Variants in MYH15 observed in about 807,000 individuals in gnomAD.
The protein encoded by MYH15 is myosin-15.
Under a neutral mutation model 240.5 loss-of-function variants are expected in MYH15, and 227 were observed. The observed-to-expected ratio is 0.94, with a 90% confidence interval of 0.85 to 1.05. The LOEUF is 1.05. MYH15 is among the 50% of genes least tolerant of loss of function. The probability of loss-of-function intolerance (pLI) is 0.00; values close to 1 mark genes in which losing one functional copy is unlikely to be tolerated. For missense variants in MYH15, 2,217 were observed against 2,247.5 expected, an observed-to-expected ratio of 0.99 and a Z score of 0.27; for synonymous variants, 785 against 796.7, an observed-to-expected ratio of 0.99 and a Z score of 0.25.
At chr3:108,441,853 A>G (rs1448028227) in intron 22 of MYH15, among the ~76,000 whole-genome samples, 2 of 152,208 alleles carry the variant, frequency 1.3e-5, no homozygotes, top group Non-Finnish European at 2.9e-5. Context: ...TTTTGCCTCA[A>G]TGATTCTGCC....
intron 11 of MYH15, among the ~76,000 whole-genome samples, chr3:108,482,739 T>C (rs551816618): frequency 6.6e-6 from 1 of 152,334 alleles, no homozygotes; most frequent in East Asian, 1.9e-4. Context: ...ATTCCTTATT[T>C]TTTTAACTCT....
intron 1 of MYH15, among the ~76,000 whole-genome samples, chr3:108,520,449 C>G (rs937184475): frequency 1.3e-5 from 2 of 152,132 alleles, no homozygotes; most frequent in Non-Finnish European, 2.9e-5. Context: ...ACTTTATACA[C>G]TCTTGTCAAG....
At position 108,470,034 on chromosome 3, in the gene MYH15, T is replaced by C; in HGVS notation, c.1554+8A>G. 1 of 1,589,812 alleles carries C rather than the reference T, an allele frequency of 6.3e-7. No individual in the cohort carries two copies. The highest frequency in any genetic ancestry group is 8.5e-7 in the Non-Finnish European group (1 of 1,172,378). On this transcript the variant is annotated splice_region_variant and intron_variant, in intron 14 of 40. Transcript: ENST00000693548. ...ATGAAAATGGACAAAGAGAAAAACA[T>C]ATATTACCTTCTCAATGAGATCTAT...
chr3:108,452,689 T>C (rs1039516756), intron 21 of MYH15, among the ~76,000 whole-genome samples: 1 of 152,112 alleles, frequency 6.6e-6, no homozygotes, highest in Non-Finnish European at 1.5e-5. Context: ...ATATAACATA[T>C]ATAAAACATG....
intron 27 of MYH15, among the ~76,000 whole-genome samples, chr3:108,423,185 A>C (rs567517343): frequency 6.6e-6 from 1 of 152,284 alleles, no homozygotes; most frequent in South Asian, 2.1e-4. Context: ...CCAGGCTTCA[A>C]CCCAATGCAA....
At chr3:108,383,782 GTTTT>G in intron 39 of MYH15, 53 bp from the exon 40 acceptor site, 2 of 1,169,692 alleles carry the variant, frequency 1.7e-6, no homozygotes, top group Non-Finnish European at 2.3e-6. Context: ...ATAGTCAGGT[GTTTT>G]TTTTTTCTGC....
At chr3:108,421,759 G>A (rs528998480) in intron 27 of MYH15, among the ~76,000 whole-genome samples, 1 of 152,282 alleles carries the variant, frequency 6.6e-6, no homozygotes, top group African/African-American at 2.4e-5. Context: ...AGAAGAAAGG[G>A]ATGGATCTAA....
intron 21 of MYH15, among the ~76,000 whole-genome samples, chr3:108,449,760 T>C (rs1222641134): frequency 6.6e-6 from 1 of 151,802 alleles, no homozygotes; most frequent in Non-Finnish European, 1.5e-5. Context: ...AGCTTCTGCA[T>C]AGCAAAAGAA....
At chr3:108,396,229 T>C (rs2082459767) in intron 35 of MYH15, among the ~76,000 whole-genome samples, 1 of 152,364 alleles carries the variant, frequency 6.6e-6, no homozygotes. Flanking sequence ...CATTATCATG[T>C]ATGATATGCA....
At chr3:108,480,674 G>C (rs1299484596) in intron 11 of MYH15, among the ~76,000 whole-genome samples, 1 of 152,154 alleles carries the variant, frequency 6.6e-6, no homozygotes, top group Non-Finnish European at 1.5e-5. Context: ...ATGACTAGGA[G>C]GTTTCCAGTC....
At chr3:108,430,016 T>C (rs985985147) in intron 26 of MYH15, among the ~76,000 whole-genome samples, 6 of 152,186 alleles carry the variant, frequency 3.9e-5, no homozygotes, top group African/African-American at 1.4e-4. Context: ...TAGAAAAGTT[T>C]GTGTTTTTTT....
Position 108,428,703 on chromosome 3 carries a change from T to C in MYH15, c.3491A>G (p.Gln1164Arg), listed in dbSNP as rs1368776864. Residue 1164 changes from glutamine to arginine, a missense_variant, in exon 27 of 41, where the codon CAG becomes CGG. Gln to Arg is a conservative substitution (Grantham distance 43, BLOSUM62 1). Coordinates refer to ENST00000693548, the MANE Select transcript of MYH15 (RefSeq NM_014981.3). Reference protein sequence around the residue: ...EITKKQETKFQKLHRDMEEAT... With the variant: ...EITKKQETKFRKLHRDMEEAT... The stretch of plus-strand genomic sequence containing the variant: ...CTCTTCCATGTCTCGGTGCAGCTTC[T>C]GGAATTTGGTTTCCTGTTTCTTAGT... 6.2e-7 allele frequency: 1 copy of C among 1,613,992 alleles called. No homozygotes were observed. The highest frequency in any genetic ancestry group is 2.2e-5 in the East Asian group (1 of 44,858).
intron 21 of MYH15, among the ~76,000 whole-genome samples, chr3:108,448,211 T>A (rs566409672): frequency 1.8e-4 from 27 of 152,132 alleles, no homozygotes; most frequent in East Asian, 5.8e-4. Context: ...ACAATTTTTT[T>A]AAAAAGTTGT....
In MYH15 at chr3:108,391,887, A is replaced by G; in HGVS notation, c.5303T>C (p.Ile1768Thr). The G allele has an allele frequency of 6.2e-7, 1 of 1,614,074 alleles. No individual in the cohort carries two copies. Among genetic ancestry groups the G allele is most frequent in the East Asian group, 2.2e-5 (1 of 44,870 alleles). ...SEELKKKQDT[I>T]AHLERTRENM... ...TTCTCTTGTCCTTTCCAAGTGGGCA[A>G]TGGTGTCTTGCTTCTTCTTCAGTTC... Residue 1768 changes from isoleucine to threonine, a missense_variant, in exon 37 of 41, where the codon ATT becomes ACT. By Grantham distance (89) the Ile-to-Thr change is moderately conservative (BLOSUM62 -1). Transcript: ENST00000693548.
chr3:108,516,832 TATTG>T (rs140543677), intron 1 of MYH15, among the ~76,000 whole-genome samples: 2,158 of 152,284 alleles, frequency 0.014, 56 homozygotes, highest in African/African-American at 0.048. Context: ...TTGCACAAAT[TATTG>T]ATTATTTAAA....
At chr3:108,540,345 C>T in the MYH15 span, among the ~76,000 whole-genome samples, 8 of 152,174 alleles carry the variant, frequency 5.3e-5, no homozygotes, top group Non-Finnish European at 1.0e-4. Context: ...CCACAGACAG[C>T]ATCTCTCAAA....
chr3:108,428,915 C>G lies in MYH15; in HGVS notation c.3313-34G>C, dbSNP rs751919017. On this transcript the variant is annotated intron_variant, in intron 26 of 40. Coordinates refer to ENST00000693548, the MANE Select transcript of MYH15 (RefSeq NM_014981.3). ...AGAAATAATTTTGACTTTTACTAAG[C>G]ACTTGTAGCAAGAGCTTTACTCTAT... 1.3e-4 allele frequency: 204 copies of G among 1,550,750 alleles called. 1 individual carries two copies. Among genetic ancestry groups the G allele is most frequent in the Non-Finnish European group, 1.6e-4 (189 of 1,150,644 alleles).
intron 29 of MYH15, among the ~76,000 whole-genome samples, chr3:108,416,409 AG>A (rs1355642662): frequency 6.6e-6 from 1 of 152,250 alleles, no homozygotes; most frequent in African/African-American, 2.4e-5. Flanking sequence ...ATACACTCAT[AG>A]GAAGAAATGA....
chr3:108,514,248 A>G (rs1344854983), upstream of MYH15, among the ~76,000 whole-genome samples: 1 of 152,194 alleles, frequency 6.6e-6, no homozygotes, highest in Non-Finnish European at 1.5e-5. Context: ...TGAAAACCAG[A>G]AAAGTCCCAG....
Sources: gnomAD v4.1 joint callset for allele counts (sites outside exome capture counted in the v4.1 genomes callset) on GRCh38, gnomAD v4.1.1 for gene constraint, MANE v1.5 for transcripts, NCBI Gene and HGNC (gene_info 2026-07-23, HGNC 2026-07-21) for gene names.